DLG2: variants seen among roughly 807,000 people sequenced by gnomAD.
DLG2 encodes disks large homolog 2.
A neutral mutation model predicts 132.5 loss-of-function variants in DLG2; 45 were observed. The ratio of observed to expected loss-of-function variants is 0.34; its 90% confidence interval spans 0.27 to 0.44. The LOEUF is 0.44. Ranked by LOEUF, DLG2 falls within the 20% of genes least tolerant of loss-of-function variation. DLG2 has a pLI of 1.00. For synonymous variants in DLG2, 424 were observed against 419.6 expected, an observed-to-expected ratio of 1.01 and a Z score of -0.13; for missense variants, 1,045 against 1,196.9, an observed-to-expected ratio of 0.87 and a Z score of 1.87.
intron 6 of DLG2, among the ~76,000 whole-genome samples, chr11:84,964,534 A>G (rs1399374622): frequency 6.6e-6 from 1 of 152,168 alleles, no homozygotes; most frequent in Non-Finnish European, 1.5e-5. Flanking sequence ...TGAAATGAAG[A>G]TCCTATAATA....
chr11:83,750,235 T>C (rs745317805), intron 18 of DLG2, among the ~76,000 whole-genome samples: 1 of 152,002 alleles, frequency 6.6e-6, no homozygotes, highest in African/African-American at 2.4e-5. Context: ...TATGGGTTTT[T>C]CTAGTGGTGT....
intron 7 of DLG2, among the ~76,000 whole-genome samples, chr11:84,324,905 C>T (rs551170312): frequency 6.6e-6 from 1 of 151,992 alleles, no homozygotes; most frequent in South Asian, 2.1e-4. Flanking sequence ...AAATTAAGTT[C>T]CAGATTTTTT....
At chr11:85,278,053 CTAATCAGTCT>C (rs1215636556) in intron 4 of DLG2, among the ~76,000 whole-genome samples, 1 of 152,128 alleles carries the variant, frequency 6.6e-6, no homozygotes, top group Non-Finnish European at 1.5e-5. Context: ...CTAGAATAAC[CTAATCAGTCT>C]TACTACTCTC....
At position 84,255,667 on chromosome 11, in the gene DLG2, C is replaced by T. The variant is rs193257327; in HGVS notation, c.520-4376G>A. Among the ~76,000 whole-genome samples, 37 of 152,134 alleles carry T rather than the reference C, an allele frequency of 2.4e-4. No individual in the cohort carries two copies. In the East Asian group the frequency reaches 5.4e-3, roughly 22 times the overall value. ...TTTGGATATCCTCTTTAATTGGATG[C>T]CTAAATCAAACTGGTGACTCAGCAG... On this transcript the variant is annotated intron_variant, in intron 7 of 27. Coordinates refer to ENST00000376104, the MANE Select transcript of DLG2 (RefSeq NM_001142699.3).
intron 6 of DLG2, among the ~76,000 whole-genome samples, chr11:85,110,719 C>G (rs1408145777): frequency 6.6e-6 from 1 of 152,082 alleles, no homozygotes; most frequent in Non-Finnish European, 1.5e-5. Context: ...AGGCTTACTG[C>G]TAACATAGTT....
intron 6 of DLG2, among the ~76,000 whole-genome samples, chr11:84,965,134 G>A (rs546632012): frequency 7.2e-5 from 11 of 152,036 alleles, no homozygotes; most frequent in African/African-American, 9.7e-5. Flanking sequence ...ACCTACTACT[G>A]TAGGACAAAC....
intron 18 of DLG2, among the ~76,000 whole-genome samples, chr11:83,649,796 CCTCT>C (rs1246511893): frequency 1.3e-5 from 2 of 151,970 alleles, no homozygotes; most frequent in African/African-American, 4.8e-5. Flanking sequence ...ATTTCTTTCC[CCTCT>C]CTGTTTCAGG....
chr11:84,549,578 C>T (rs1436626459), intron 6 of DLG2, among the ~76,000 whole-genome samples: 1 of 152,156 alleles, frequency 6.6e-6, no homozygotes, highest in African/African-American at 2.4e-5. Context: ...AGCAGTGCGA[C>T]TTTAGGGAAG....
At chr11:84,548,822 C>T (rs1489159280) in intron 6 of DLG2, among the ~76,000 whole-genome samples, 1 of 152,030 alleles carries the variant, frequency 6.6e-6, no homozygotes, top group Non-Finnish European at 1.5e-5. Context: ...GTGTACCAAC[C>T]TCAAATAAGC....
intron 6 of DLG2, among the ~76,000 whole-genome samples, chr11:84,645,980 T>A (rs1005264455): frequency 6.6e-6 from 1 of 152,198 alleles, no homozygotes; most frequent in Non-Finnish European, 1.5e-5. Context: ...TCTTCCACAA[T>A]GATGATGGTG....
At chr11:83,534,555 T>A in intron 20 of DLG2, among the ~76,000 whole-genome samples, 1 of 152,216 alleles carries the variant, frequency 6.6e-6, no homozygotes, top group Non-Finnish European at 1.5e-5. Context: ...AGAATGGAAT[T>A]GCAGAATATA....
intron 17 of DLG2, among the ~76,000 whole-genome samples, chr11:83,796,716 C>T (rs4396309): frequency 0.72 from 109,447 of 152,068 alleles, 40,789 homozygotes; most frequent in African/African-American, 0.92. Context: ...GTGTGCCTAC[C>T]GTAGTGCCTA....
At position 84,902,756 on chromosome 11, in the gene DLG2, C is replaced by T. The variant is rs185743012; in HGVS notation, c.357+208905G>A. ...CAGGGCTTACCCATAGTACTCAACA[C>T]GTGCAAACTGTTATTTTCTTCTCCA... On this transcript the variant is annotated intron_variant, in intron 6 of 27. Transcript: ENST00000376104. Among the ~76,000 whole-genome samples, 10 of 152,268 alleles carry T rather than the reference C, an allele frequency of 6.6e-5. No individual in the cohort carries two copies. The East Asian group carries it at 1.5e-3, about 24-fold the overall frequency.
chr11:83,977,967 T>C (rs1168007978), intron 12 of DLG2, among the ~76,000 whole-genome samples: 1 of 152,088 alleles, frequency 6.6e-6, no homozygotes, highest in African/African-American at 2.4e-5. Context: ...ATAGAAATAT[T>C]CTATTTACCA....
At chr11:84,233,847 T>A (rs757272971) in intron 8 of DLG2, among the ~76,000 whole-genome samples, 9 of 152,222 alleles carry the variant, frequency 5.9e-5, no homozygotes, top group Non-Finnish European at 1.0e-4. Context: ...CCTTGTCATC[T>A]GTGAGACAGT....
intron 17 of DLG2, among the ~76,000 whole-genome samples, chr11:83,795,087 A>T (rs1166557522): frequency 6.6e-6 from 1 of 152,186 alleles, no homozygotes; most frequent in Non-Finnish European, 1.5e-5. Flanking sequence ...CTCTTTATGT[A>T]TATGACTTTT....
At chr11:84,693,066 GAAAT>G (rs760056201) in intron 6 of DLG2, among the ~76,000 whole-genome samples, 4 of 151,632 alleles carry the variant, frequency 2.6e-5, no homozygotes, top group Non-Finnish European at 5.9e-5. Flanking sequence ...GTTTTCCTGG[GAAAT>G]GTTCATTGCT....
chr11:84,482,061 A>G (rs1362432615), intron 7 of DLG2, among the ~76,000 whole-genome samples: 2 of 152,160 alleles, frequency 1.3e-5, no homozygotes, highest in African/African-American at 4.8e-5. Context: ...ATCTATTTCC[A>G]GCATACTTCT....
At chr11:84,640,667 C>A in intron 6 of DLG2, 1 of 177,044 alleles carries the variant, frequency 5.6e-6, no homozygotes, top group South Asian at 1.3e-4. Flanking sequence ...GATGGCCAGG[C>A]ATGGTAGCTC....
Sources: allele counts gnomAD v4.1 joint callset (sites outside exome capture counted in the v4.1 genomes callset), GRCh38; gene constraint gnomAD v4.1.1; transcripts MANE v1.5; gene names NCBI Gene and HGNC (gene_info 2026-07-23, HGNC 2026-07-21).